Variants in DLGAP5 observed in about 807,000 individuals in gnomAD.
DLGAP5 encodes disks large-associated protein 5.
A neutral mutation model predicts 99.6 loss-of-function variants in DLGAP5; 90 were observed. That is an observed-to-expected ratio of 0.90 (90% confidence interval 0.76 to 1.08). The LOEUF (loss-of-function observed/expected upper bound fraction) is 1.08. DLGAP5 is among the 50% of genes least tolerant of loss of function. DLGAP5 has a pLI of 0.00. For missense variants in DLGAP5, 1,036 were observed against 983.5 expected, an observed-to-expected ratio of 1.05 and a Z score of -0.71; for synonymous variants, 311 against 321.3, an observed-to-expected ratio of 0.97 and a Z score of 0.34.
In DLGAP5 at chr14:55,148,420, T is replaced by A; in HGVS notation, c.2472A>T (p.Glu824Asp). 1 of 1,614,198 alleles carries A rather than the reference T, an allele frequency of 6.2e-7. No individual in the cohort carries two copies. The highest frequency in any genetic ancestry group is 8.5e-7 in the Non-Finnish European group (1 of 1,180,020). The change falls in exon 19 of 19, where the codon GAA becomes GAT. Residue 824 changes from glutamate to aspartate, a missense_variant. Transcript: ENST00000247191. ...CACCAAAAGAAATGTGTCTGGCATGTTCTTGATGTCTCCTCTCCAGCTGAG... is the reference window on the plus strand; with the variant it reads ...CACCAAAAGAAATGTGTCTGGCATGATCTTGATGTCTCCTCTCCAGCTGAG... Reference protein sequence around the residue: ...PFTQLERRHQEHARHISFGGN... With the variant: ...PFTQLERRHQDHARHISFGGN...
Position 55,175,910 on chromosome 14 carries a change from T to C in DLGAP5, c.1158A>G (p.Leu386=). 1 of 1,600,972 alleles carries C rather than the reference T, an allele frequency of 6.2e-7. No individual in the cohort carries two copies. The highest frequency in any genetic ancestry group is 1.1e-5 in the South Asian group (1 of 88,212). ...ATACTATACCTTCATGCCAAACAGT[T>C]AGAGGACCCAAAGGACATGGCAATT... is the stretch of plus-strand genomic sequence containing the variant. ...SNKLPCPLGP[L]TVWHEEHVLN... Residue 386 remains leucine (L), a synonymous_variant, in exon 9 of 19, where the codon CTA becomes CTG. Coordinates refer to ENST00000247191, the MANE Select transcript of DLGAP5 (RefSeq NM_014750.5).
chr14:55,166,084 C>A (rs533411872), intron 12 of DLGAP5, among the ~76,000 whole-genome samples: 1 of 152,142 alleles, frequency 6.6e-6, no homozygotes, highest in Non-Finnish European at 1.5e-5. Flanking sequence ...GATACATCCA[C>A]ACTAAGATTT....
rs534455589 is a variant in DLGAP5, at chr14:55,164,912, A to G, written c.1549-1837T>C. The stretch of plus-strand genomic sequence containing the variant: ...ACTCTAGCCTGGGCGACAGAGTGAG[A>G]CTCTGTCTCAAAAAAAAAAAAAAAA... On this transcript the variant is annotated intron_variant, in intron 12 of 18. Transcript: ENST00000247191. 1.1e-3 allele frequency among the ~76,000 whole-genome samples: 130 copies of G among 117,510 alleles called. 1 individual carries two copies. In the South Asian group the frequency reaches 0.034, roughly 31 times the overall value. The allele number at this position is 117,510 out of a possible 152,430, so 77.1% of individuals were successfully genotyped here.
At chr14:55,185,331 C>G (rs1163431467) in intron 2 of DLGAP5, among the ~76,000 whole-genome samples, 1 of 152,200 alleles carries the variant, frequency 6.6e-6, no homozygotes, top group East Asian at 1.9e-4. Flanking sequence ...TCCCGAGTAG[C>G]TGGGATTACA....
rs1225813639 is a variant in DLGAP5 at position 55,189,004 on chromosome 14, A to C, written c.176T>G (p.Ile59Ser). The change falls in exon 2 of 19, where the codon ATT becomes AGT. Residue 59 changes from isoleucine to serine, a missense_variant. Physicochemically the swap from Ile to Ser is moderately radical, Grantham distance 142 (BLOSUM62 -2). Coordinates refer to ENST00000247191, the MANE Select transcript of DLGAP5 (RefSeq NM_014750.5). ...DVNIPTLEGR[I>S]LVELDETSQG... ...AGATGTCTCATCTAATTCAACAAGA[A>C]TTCTACCTTCCAAGGTTGGAATGTT... 22 of 1,613,982 alleles carry C rather than the reference A, an allele frequency of 1.4e-5. No homozygotes were observed. Among genetic ancestry groups the C allele is most frequent in the Non-Finnish European group, 1.6e-5 (19 of 1,179,970 alleles).
At position 55,154,621 on chromosome 14, in the gene DLGAP5, T is replaced by A. The variant is rs374575158; in HGVS notation, c.2059A>T (p.Ser687Cys). Residue 687 changes from serine to cysteine, a missense_variant, in exon 15 of 19, where the codon AGC (serine) becomes TGC (cysteine). Ser to Cys is a moderately radical substitution (Grantham distance 112). Transcript: ENST00000247191. ...KKTLFLSIPE[S>C]RSSIEDAQCP... Reference sequence around the variant, plus strand: ...ATTAACATGTTAAAGAAATACCTGCTTTCAGGAATACTCAAAAACAAAGTC... The same window carrying A: ...ATTAACATGTTAAAGAAATACCTGCATTCAGGAATACTCAAAAACAAAGTC... The A allele has an allele frequency of 3.7e-6, 6 of 1,613,286 alleles. No individual in the cohort carries two copies. Among genetic ancestry groups the A allele is most frequent in the Non-Finnish European group, 5.1e-6 (6 of 1,179,388 alleles).
Position 55,163,039 on chromosome 14 carries a change from T to C in DLGAP5, c.1585A>G (p.Lys529Glu), listed in dbSNP as rs1275890969. 1 of 1,602,150 alleles carries C rather than the reference T, an allele frequency of 6.2e-7. No homozygotes were observed. Among genetic ancestry groups the C allele is most frequent in the East Asian group, 2.2e-5 (1 of 44,446 alleles). ...DVIHKFNNLI[K>E]LEESGWQVNN... ...ACTTGCCACCCAGATTCCTCAAGTT[T>C]GATCAGATTGTTGAATTTGTGGATT... The change falls in exon 13 of 19, where the codon AAA becomes GAA. Residue 529 changes from lysine to glutamate, a missense_variant. By Grantham distance (56) the Lys-to-Glu change is moderately conservative. Transcript: ENST00000247191.
At chr14:55,163,691 T>C (rs961379129) in intron 12 of DLGAP5, among the ~76,000 whole-genome samples, 4 of 152,234 alleles carry the variant, frequency 2.6e-5, no homozygotes, top group African/African-American at 9.6e-5. Context: ...CACTTGCTGT[T>C]GGCAGTGTTT....
intron 13 of DLGAP5, among the ~76,000 whole-genome samples, chr14:55,160,333 T>C (rs981869384): frequency 3.3e-5 from 5 of 151,398 alleles, no homozygotes; most frequent in African/African-American, 1.2e-4. Flanking sequence ...AGGCAGAGGT[T>C]GCAGTGAGCC....
intron 10 of DLGAP5, among the ~76,000 whole-genome samples, chr14:55,173,377 G>GATCA: frequency 6.6e-6 from 1 of 151,814 alleles, no homozygotes; most frequent in Non-Finnish European, 1.5e-5. Flanking sequence ...GGTGAGCTGA[G>GATCA]ATCACATCAC....
chr14:55,150,320 TGA>T (rs1395707716), intron 18 of DLGAP5: 2 of 153,996 alleles, frequency 1.3e-5, no homozygotes, highest in African/African-American at 4.8e-5. Flanking sequence ...TAAATTAACA[TGA>T]GAGAGATAAG....
At chr14:55,153,713 T>C (rs985240543) in intron 15 of DLGAP5, among the ~76,000 whole-genome samples, 1 of 152,172 alleles carries the variant, frequency 6.6e-6, no homozygotes, top group African/African-American at 2.4e-5. Context: ...AGAGTACTTA[T>C]GACTCAAATG....
In DLGAP5 at chr14:55,176,976, GAAAAAAA is replaced by G. The variant is rs34109336; in HGVS notation, c.1049+79_1049+85del. On this transcript the variant is annotated intron_variant, in intron 8 of 18. Transcript: ENST00000247191. ...CTGGGCGACAGAGCGAACTCCGTCT[GAAAAAAA>G]AAAAAAAAAAAAAAAAAAAAAGAAA... The G allele has an allele frequency of 1.7e-3, 442 of 253,432 alleles. No individual in the cohort carries two copies. In the East Asian group the frequency reaches 0.027, roughly 16 times the overall value. The allele number at this position is 253,432 out of a possible 1,614,324, so 15.7% of individuals were successfully genotyped here.
At chr14:55,162,379 G>T (rs1882476164) in intron 13 of DLGAP5, among the ~76,000 whole-genome samples, 1 of 152,092 alleles carries the variant, frequency 6.6e-6, no homozygotes, top group African/African-American at 2.4e-5. Context: ...CAGCACTTTG[G>T]GAGGCCGAGG....
At chr14:55,163,645 G>A (rs1173928938) in intron 12 of DLGAP5, among the ~76,000 whole-genome samples, 1 of 152,220 alleles carries the variant, frequency 6.6e-6, no homozygotes, top group African/African-American at 2.4e-5. Context: ...CATAGGCAAT[G>A]AATGGAAAGT....
Position 55,154,765 on chromosome 14 carries a change from T to A in DLGAP5, c.1915A>T (p.Thr639Ser). The change falls in exon 15 of 19, where the codon ACA becomes TCA. Residue 639 changes from threonine (T) to serine (S), a missense_variant. Transcript: ENST00000247191. The part of the protein sequence containing the change: ...SSEGPSQRLG[T>S]PKSVNKAVSQ... ...ACAGCTTTGTTGACAGACTTAGGTG[T>A]TCCAAGTCTTTGAGAAGGGCCTTCA... is the stretch of plus-strand genomic sequence containing the variant. 6.2e-7 allele frequency: 1 copy of A among 1,614,128 alleles called. No homozygotes were observed.
rs1362171587 is a variant in DLGAP5 at position 55,175,913 on chromosome 14, A to G, written c.1155T>C (p.Pro385=). 17 of 1,601,278 alleles carry G rather than the reference A, an allele frequency of 1.1e-5. No homozygotes were observed. Among genetic ancestry groups the G allele is most frequent in the Non-Finnish European group, 1.5e-5 (17 of 1,172,300 alleles). ...DSNKLPCPLG[P]LTVWHEEHVL... ...CTATACCTTCATGCCAAACAGTTAG[A>G]GGACCCAAAGGACATGGCAATTTAT... is the stretch of plus-strand genomic sequence containing the variant. Residue 385 remains proline, a synonymous_variant, in exon 9 of 19, where the codon CCT becomes CCC. Transcript: ENST00000247191.
chr14:55,173,914 A>T (rs1279105816), intron 10 of DLGAP5, among the ~76,000 whole-genome samples: 2 of 152,204 alleles, frequency 1.3e-5, no homozygotes, highest in Admixed American at 1.3e-4. Flanking sequence ...TAATAACTGT[A>T]TTAACTGCAC....
At chr14:55,156,661 TGA>T (rs1882226456) in intron 14 of DLGAP5, among the ~76,000 whole-genome samples, 1 of 152,188 alleles carries the variant, frequency 6.6e-6, no homozygotes, top group Non-Finnish European at 1.5e-5. Flanking sequence ...GTGCAGGCAG[TGA>T]GAGATCACCA....
Sources: allele counts gnomAD v4.1 joint callset (sites outside exome capture counted in the v4.1 genomes callset), GRCh38; gene constraint gnomAD v4.1.1; transcripts MANE v1.5; gene names NCBI Gene and HGNC (gene_info 2026-07-23, HGNC 2026-07-21).